RTEL1: variants seen among roughly 807,000 people sequenced by gnomAD.
RTEL1 encodes regulator of telomere elongation helicase 1.
A neutral mutation model predicts 162.2 loss-of-function variants in RTEL1; 86 were observed. That is an observed-to-expected ratio of 0.53 (90% CI 0.45 to 0.63). The LOEUF (loss-of-function observed/expected upper bound fraction) is 0.63. RTEL1 is among the 30% of genes least tolerant of loss of function. RTEL1 has a pLI of 0.00. For missense variants in RTEL1, 1,941 were observed against 1,750.2 expected (o/e 1.11, Z -1.95); for synonymous variants, 958 against 717.9 (o/e 1.33, Z -5.35).
In RTEL1 at chr20:63,672,630, C is replaced by A. The variant is rs1445188665; in HGVS notation, c.765+9C>A. 1.3e-6 allele frequency: 2 copies of A among 1,573,744 alleles called. No homozygotes were observed. Among genetic ancestry groups the A allele is most frequent in the East Asian group, 2.3e-5 (1 of 43,662 alleles). ...ACGAAGCTCACAACGTGGTGAGTCT[C>A]CGCTGGCCTCCTAAACACCTCCTAT... On this transcript the variant is annotated intron_variant, in intron 9 of 34. Coordinates refer to ENST00000360203, the MANE Select transcript of RTEL1 (RefSeq NM_001283009.2).
At position 63,677,087 on chromosome 20, in the gene RTEL1, C is replaced by T. The variant is rs981231705; in HGVS notation, c.920-1058C>T. ...GTGGGCTCTTGTGTCCTGACCCCGG[C>T]GGTTGTGGCCTCTTTGCTGTCTGGG... On this transcript the variant is annotated intron_variant, in intron 10 of 34. Coordinates refer to ENST00000360203, the MANE Select transcript of RTEL1 (RefSeq NM_001283009.2). 1.8e-4 allele frequency among the ~76,000 whole-genome samples: 20 copies of T among 112,696 alleles called. No individual in the cohort carries two copies. In the South Asian group the frequency reaches 2.2e-3, roughly 12 times the overall value. The allele number at this position is 112,696 out of a possible 152,430, so 73.9% of individuals were successfully genotyped here. A position where few individuals can be genotyped will look rare whatever the true frequency, so the allele number is the denominator to read the frequency against.
intron 26 of RTEL1, 103 bp downstream of exon 26, chr20:63,690,544 T>C: frequency 1.5e-6 from 2 of 1,373,818 alleles, no homozygotes; most frequent in Middle Eastern, 5.2e-4. Flanking sequence ...CACCTGGCTT[T>C]GTGCGCTTCC....
chr20:63,678,889 TCC>T (rs2090426834), intron 12 of RTEL1, among the ~76,000 whole-genome samples: 1 of 106,626 alleles, frequency 9.4e-6, no homozygotes, highest in South Asian at 2.9e-4. Flanking sequence ...GCACACACAC[TCC>T]CACAGACAGC....
Position 63,694,367 on chromosome 20 carries a change from A to C in RTEL1, c.2993-5A>C. 1 of 1,607,092 alleles carries C rather than the reference A, an allele frequency of 6.2e-7. No individual in the cohort carries two copies. The highest frequency in any genetic ancestry group is 8.5e-7 in the Non-Finnish European group (1 of 1,177,592). On this transcript the variant is annotated splice_polypyrimidine_tract_variant and splice_region_variant and intron_variant, in intron 30 of 34. Coordinates refer to ENST00000360203, the MANE Select transcript of RTEL1 (RefSeq NM_001283009.2). Reference sequence around the variant, plus strand: ...CAGCTTTGTGGCTCTACATCTCTTCATCAGGAAGAACGGCGCCGGATCCCA... The same window carrying C: ...CAGCTTTGTGGCTCTACATCTCTTCCTCAGGAAGAACGGCGCCGGATCCCA...
Position 63,661,448 on chromosome 20 carries a change from G to A in RTEL1, c.253G>A (p.Ala85Thr), listed in dbSNP as rs771595275. The change falls in exon 3 of 35, where the codon GCC (alanine) becomes ACC (threonine). Residue 85 changes from alanine to threonine, a missense_variant. By Grantham distance (58) the Ala-to-Thr change is moderately conservative. Transcript: ENST00000360203. The surrounding 1 kb of genome is among the most constrained non-coding windows in gnomAD (Gnocchi z 5.1). ...RAQGELFPDR[A>T]LSSWGNAAAA... ...GCAAGGAGAGCTTTTCCCGGATCGGGCCTTGTCATCCTGGGGCAACGCTGC... is the reference window on the plus strand; with the variant it reads ...GCAAGGAGAGCTTTTCCCGGATCGGACCTTGTCATCCTGGGGCAACGCTGC... 25 of 1,613,514 alleles carry A rather than the reference G, an allele frequency of 1.5e-5. No homozygotes were observed. The highest frequency in any genetic ancestry group is 2.0e-5 in the Non-Finnish European group (24 of 1,180,016).
At chr20:63,691,667 G>C (rs2090747870) in intron 27 of RTEL1, 75 bp from the exon 28 acceptor site, 2 of 1,325,410 alleles carry the variant, frequency 1.5e-6, no homozygotes, top group Middle Eastern at 1.9e-4. Context: ...CATCTTCCCT[G>C]TGCGTCCAGG....
rs920804815 is a variant in RTEL1, at chr20:63,680,039, C to G, written c.1135+93C>G. On this transcript the variant is annotated intron_variant, in intron 13 of 34. Transcript: ENST00000360203. ...TGGCAGTCAGGGCTCCCCTGGCCGT[C>G]ACCTGGCCGTCAGCAGGAACAGGCC... 8.8e-5 allele frequency: 74 copies of G among 841,262 alleles called. No homozygotes were observed. The Middle Eastern group carries it at 4.0e-3, about 45-fold the overall frequency. 52.1% of individuals were successfully genotyped at this position (841,262 alleles called of 1,614,324 possible). A position where few individuals can be genotyped will look rare whatever the true frequency, so the allele number is the denominator to read the frequency against.
intron 16 of RTEL1, 186 bp from the exon 17 acceptor site, chr20:63,687,452 A>G: frequency 1.5e-6 from 1 of 674,676 alleles, no homozygotes; most frequent in South Asian, 2.2e-5. Flanking sequence ...AGGGGCCCCA[A>G]GCTGGCAGGC....
At chr20:63,685,657 G>A in intron 15 of RTEL1, 60 bp downstream of exon 15, 1 of 1,591,934 alleles carries the variant, frequency 6.3e-7, no homozygotes, top group Non-Finnish European at 8.5e-7. Context: ...CAGGGCTGGG[G>A]GCCTTACAGT....
chr20:63,693,432 ACCACCAGCACCAGCAGCACCACCT>A (rs1568719622), intron 30 of RTEL1, 149 bp downstream of exon 30: 6 of 842,078 alleles, frequency 7.1e-6, no homozygotes, highest in East Asian at 5.4e-5. Context: ...CTCCACCTCC[ACCACCAGCACCAGCAGCACCACCT>A]CCACCTCCAC....
At chr20:63,682,437 T>G in intron 14 of RTEL1, 2 of 985,382 alleles carry the variant, frequency 2.0e-6, no homozygotes, top group Admixed American at 6.1e-5. Context: ...GTCTCCACAC[T>G]CTGGAACCGG....
At chr20:63,690,481 C>A (rs371927377) in intron 26 of RTEL1, 40 bp downstream of exon 26, 214 of 572,492 alleles carry the variant, frequency 3.7e-4, no homozygotes, top group Non-Finnish European at 5.7e-4. Flanking sequence ...GTGGGGGTGG[C>A]GGAGCGGGCG....
rs1415789408 is a variant in RTEL1, at chr20:63,673,987, C to T, written c.813C>T (p.Asp271=). ...CATCCTTTGACCTGACTCCCCATGA[C>T]CTGGCTTCAGGACTGGACGTCATAG... ...ESASFDLTPH[D]LASGLDVIDQ... is the part of the protein sequence containing the mutation. Residue 271 remains aspartate, a synonymous_variant, in exon 10 of 35, where the codon GAC becomes GAT. Transcript: ENST00000360203. The T allele has an allele frequency of 2.5e-6, 4 of 1,613,982 alleles. No individual in the cohort carries two copies. In the East Asian group the frequency reaches 6.7e-5, roughly 27 times the overall value.
rs748758593 is a variant in RTEL1 at position 63,695,366 on chromosome 20, A to G, written c.3538A>G (p.Lys1180Glu). ...RSEKTGKTQS[K>E]ISSFLRQRPA... ...CGAGAAGACCGGGAAGACCCAGAGC[A>G]AGATCTCGTCCTTCCTTAGACAGAG... is the stretch of plus-strand genomic sequence containing the variant. Residue 1180 changes from lysine (K) to glutamate (E), a missense_variant, in exon 34 of 35, where the codon AAG becomes GAG. Physicochemically the swap from Lys to Glu is moderately conservative, Grantham distance 56. Transcript: ENST00000360203. 1.3e-6 allele frequency: 2 copies of G among 1,548,752 alleles called. No individual in the cohort carries two copies. The highest frequency in any genetic ancestry group is 2.7e-5 in the African/African-American group (2 of 73,096).
At position 63,690,096 on chromosome 20, in the gene RTEL1, T is replaced by C. The variant is rs751146876; in HGVS notation, c.2151T>C (p.Phe717=). 2.5e-5 allele frequency: 40 copies of C among 1,611,348 alleles called. No individual in the cohort carries two copies. Among genetic ancestry groups the C allele is most frequent in the Admixed American group, 6.7e-5 (4 of 59,984 alleles). The change falls in exon 25 of 35, where the codon TTT becomes TTC. Residue 717 remains phenylalanine (F), a synonymous_variant. Coordinates refer to ENST00000360203, the MANE Select transcript of RTEL1 (RefSeq NM_001283009.2). ...AVFLCDHRFA[F]ADARAQLPSW... ...TATGGCCACCCCCCAGGTTCGCCTT[T>C]GCCGACGCAAGAGCCCAACTGCCCT...
rs753210449 is a variant in RTEL1 at position 63,688,531 on chromosome 20, C to A, written c.1726C>A (p.Arg576Ser). The A allele has an allele frequency of 6.2e-7, 1 of 1,610,164 alleles. No homozygotes were observed. Among genetic ancestry groups the A allele is most frequent in the Non-Finnish European group, 8.5e-7 (1 of 1,179,432 alleles). ...TCCCTGCCTCTTCCTCCCACAGGCC[C>A]GCGACTTGGCCAGGAAGATGGAGGC... is the stretch of plus-strand genomic sequence containing the variant. Reference protein sequence around the residue: ...MEKSLEFWRARDLARKMEALK... With the variant: ...MEKSLEFWRASDLARKMEALK... The change falls in exon 21 of 35, where the codon CGC becomes AGC. Residue 576 changes from arginine to serine, a missense_variant. Transcript: ENST00000360203.
Position 63,661,347 on chromosome 20 carries a change from G to C in RTEL1, c.152G>C (p.Cys51Ser), listed in dbSNP as rs2090016345. 1 of 1,613,250 alleles carries C rather than the reference G, an allele frequency of 6.2e-7. No homozygotes were observed. The highest frequency in any genetic ancestry group is 8.5e-7 in the Non-Finnish European group (1 of 1,180,028). Residue 51 changes from cysteine (C) to serine (S), a missense_variant, in exon 3 of 35, where the codon TGC becomes TCC. By Grantham distance (112) the Cys-to-Ser change is moderately radical. Coordinates refer to ENST00000360203, the MANE Select transcript of RTEL1 (RefSeq NM_001283009.2). This position sits in a 1 kb window ranked among gnomAD's most constrained non-coding sequence, Gnocchi z 5.1. ...ESPTGTGKTL[C>S]LLCTTLAWRE... Reference sequence around the variant, plus strand: ...CCTACGGGTACAGGGAAGACGCTGTGCCTGCTGTGCACCACGCTGGCCTGG... The same window carrying C: ...CCTACGGGTACAGGGAAGACGCTGTCCCTGCTGTGCACCACGCTGGCCTGG...
At position 63,694,962 on chromosome 20, in the gene RTEL1, C is replaced by T. The variant is rs1169797958; in HGVS notation, c.3331C>T (p.Pro1111Ser). 2.5e-6 allele frequency: 4 copies of T among 1,612,362 alleles called. No homozygotes were observed. Among genetic ancestry groups the T allele is most frequent in the Non-Finnish European group, 3.4e-6 (4 of 1,179,854 alleles). ...GACCACTGCAAAGCCAGAGGACTTCCCCCTGCTGCACAGCAAGTGGCCCTG... is the reference window on the plus strand; with the variant it reads ...GACCACTGCAAAGCCAGAGGACTTCTCCCTGCTGCACAGCAAGTGGCCCTG... ...ALTTAKPEDF[P>S]LLHRFSMFVR... Residue 1111 changes from proline (P) to serine (S), a missense_variant, in exon 32 of 35, where the codon CCC (proline) becomes TCC (serine). Physicochemically the swap from Pro to Ser is moderately conservative, Grantham distance 74 (BLOSUM62 -1). Coordinates refer to ENST00000360203, the MANE Select transcript of RTEL1 (RefSeq NM_001283009.2).
chr20:63,670,379 C>T (rs867970325), intron 8 of RTEL1, among the ~76,000 whole-genome samples: 3 of 134,428 alleles, frequency 2.2e-5, no homozygotes, highest in African/African-American at 5.8e-5. Context: ...TCCGGACAGA[C>T]GTTTCGCCAA....
Sources: allele counts gnomAD v4.1 joint callset (sites outside exome capture counted in the v4.1 genomes callset), GRCh38; gene constraint gnomAD v4.1.1; non-coding constraint Gnocchi (gnomAD v3.1); transcripts MANE v1.5; gene names NCBI Gene and HGNC (gene_info 2026-07-23, HGNC 2026-07-21).